The following STX8 variants were observed in gnomAD, a reference collection of about 807,000 sequenced individuals.
STX8 encodes syntaxin 8, also known as syntaxin-8.
In STX8, 23 loss-of-function variants were observed where a neutral mutation model predicts 37.5. That is an observed-to-expected ratio of 0.61 (90% CI 0.44 to 0.87). The LOEUF (loss-of-function observed/expected upper bound fraction) is 0.87. STX8 is among the 40% of genes least tolerant of loss of function. The pLI, the probability that STX8 is intolerant of heterozygous loss-of-function variation, is 0.00. For missense variants in STX8, 313 were observed against 284.7 expected, an observed-to-expected ratio of 1.10 and a Z score of -0.71; for synonymous variants, 115 against 99.1, an observed-to-expected ratio of 1.16 and a Z score of -0.95.
At chr17:9,286,592 A>C (rs1161696856) in intron 7 of STX8, among the ~76,000 whole-genome samples, 1 of 152,098 alleles carries the variant, frequency 6.6e-6, no homozygotes, top group Non-Finnish European at 1.5e-5. Flanking sequence ...TCTTGTCTTC[A>C]ACCTTCAGAC....
intron 7 of STX8, among the ~76,000 whole-genome samples, chr17:9,263,730 T>C (rs1247716869): frequency 1.3e-5 from 2 of 152,254 alleles, no homozygotes; most frequent in Non-Finnish European, 2.9e-5. Context: ...TTCTGTAGGA[T>C]AGATTCCTAC....
At chr17:9,387,016 C>T (rs72816159) in intron 6 of STX8, among the ~76,000 whole-genome samples, 3,444 of 151,946 alleles carry the variant, frequency 0.023, 60 homozygotes, top group Middle Eastern at 0.034. Flanking sequence ...ATTACAGGCA[C>T]CCCTTAAGTA....
intron 6 of STX8, among the ~76,000 whole-genome samples, chr17:9,390,019 A>G (rs553359634): frequency 1.3e-5 from 2 of 152,354 alleles, no homozygotes; most frequent in East Asian, 3.9e-4. Flanking sequence ...GGGAGCTGCA[A>G]GGAACTCCCG....
At chr17:9,306,868 G>A (rs1909013285) in intron 7 of STX8, among the ~76,000 whole-genome samples, 1 of 152,086 alleles carries the variant, frequency 6.6e-6, no homozygotes, top group African/African-American at 2.4e-5. Flanking sequence ...GCTCACGTCT[G>A]TAATCCCAGC....
At chr17:9,252,609 CAAAAAA>C (rs60037652) in intron 7 of STX8, among the ~76,000 whole-genome samples, 2 of 94,050 alleles carry the variant, frequency 2.1e-5, no homozygotes, top group Non-Finnish European at 4.2e-5. Flanking sequence ...AACTCTGTCT[CAAAAAA>C]AAAAAAAAAA....
chr17:9,511,167 A>G (rs1408311796), intron 4 of STX8, among the ~76,000 whole-genome samples: 1 of 152,158 alleles, frequency 6.6e-6, no homozygotes, highest in East Asian at 1.9e-4. Flanking sequence ...TTCATACTGA[A>G]TTCTACCAAA....
intron 2 of STX8, among the ~76,000 whole-genome samples, chr17:9,564,358 G>A (rs1325945823): frequency 6.6e-6 from 1 of 151,816 alleles, no homozygotes; most frequent in Non-Finnish European, 1.5e-5. Flanking sequence ...AAAAGAAAGA[G>A]AGAGAGGAAG....
At chr17:9,278,329 A>C (rs773927052) in intron 7 of STX8, among the ~76,000 whole-genome samples, 3 of 152,210 alleles carry the variant, frequency 2.0e-5, no homozygotes, top group Non-Finnish European at 4.4e-5. Flanking sequence ...ATGCCTGTTA[A>C]TCCCAGCTAC....
intron 7 of STX8, among the ~76,000 whole-genome samples, chr17:9,266,524 A>T (rs1268057408): frequency 5.9e-5 from 9 of 152,154 alleles, no homozygotes; most frequent in Admixed American, 5.2e-4. Flanking sequence ...TGAAATCAAG[A>T]GGAAGCCAGG....
intron 7 of STX8, among the ~76,000 whole-genome samples, chr17:9,297,966 G>A (rs983194240): frequency 5.3e-5 from 8 of 152,200 alleles, no homozygotes; most frequent in Non-Finnish European, 1.2e-4. Flanking sequence ...CATGTACCTA[G>A]CAAGGGTGGA....
intron 7 of STX8, among the ~76,000 whole-genome samples, chr17:9,256,906 T>C (rs945310562): frequency 1.3e-5 from 2 of 152,210 alleles, no homozygotes; most frequent in Non-Finnish European, 2.9e-5. Flanking sequence ...AAGGAAATGT[T>C]TGACATTTCA....
chr17:9,464,328 A>C (rs1172570668), intron 6 of STX8, among the ~76,000 whole-genome samples: 30 of 152,244 alleles, frequency 2.0e-4, no homozygotes, highest in Non-Finnish European at 1.5e-5. Flanking sequence ...ACATGCAATT[A>C]TCTTAGAAAT....
intron 4 of STX8, among the ~76,000 whole-genome samples, chr17:9,505,434 A>C (rs966819370): frequency 2.0e-5 from 3 of 152,196 alleles, no homozygotes; most frequent in African/African-American, 7.2e-5. Context: ...GAGATGTTTG[A>C]GTTAATAATC....
intron 6 of STX8, among the ~76,000 whole-genome samples, chr17:9,397,118 C>T (rs765590789): frequency 6.6e-6 from 1 of 152,260 alleles, no homozygotes; most frequent in African/African-American, 2.4e-5. Flanking sequence ...AGGACATGGG[C>T]TGGGCGCGGT....
At chr17:9,305,806 A>G (rs1908964581) in intron 7 of STX8, among the ~76,000 whole-genome samples, 1 of 133,728 alleles carries the variant, frequency 7.5e-6, no homozygotes, top group Non-Finnish European at 1.5e-5. Context: ...GTGCAGTGGC[A>G]TGATTCTGGC....
chr17:9,505,869 G>A (rs1224453644), intron 4 of STX8, among the ~76,000 whole-genome samples: 4 of 150,050 alleles, frequency 2.7e-5, no homozygotes, highest in East Asian at 3.9e-4. Context: ...TTGAACCTGA[G>A]AGGCGGAGGT....
At chr17:9,344,582 C>A (rs1485870623) in intron 7 of STX8, among the ~76,000 whole-genome samples, 4 of 152,112 alleles carry the variant, frequency 2.6e-5, no homozygotes, top group Non-Finnish European at 2.9e-5. Flanking sequence ...CTCTTCCCAT[C>A]ACCCAGCCCT....
chr17:9,291,561 T>C (rs577189800), intron 7 of STX8, among the ~76,000 whole-genome samples: 1 of 152,342 alleles, frequency 6.6e-6, no homozygotes, highest in East Asian at 1.9e-4. Context: ...GTGCTAAATT[T>C]AATGCTCAAA....
chr17:9,465,544 C>T (rs146987127), intron 6 of STX8, among the ~76,000 whole-genome samples: 406 of 152,194 alleles, frequency 2.7e-3, no homozygotes, highest in Middle Eastern at 0.01. Context: ...TTTTGTGTGC[C>T]GGAGAAATGT....
Sources: gnomAD v4.1 joint callset for allele counts (sites outside exome capture counted in the v4.1 genomes callset) on GRCh38, gnomAD v4.1.1 for gene constraint, MANE v1.5 for transcripts, NCBI Gene and HGNC (gene_info 2026-07-23, HGNC 2026-07-21) for gene names.